PDE3B: variants seen among roughly 807,000 people sequenced by gnomAD.
PDE3B encodes the protein phosphodiesterase 3B.
In PDE3B, 66 loss-of-function variants were observed where a neutral mutation model predicts 116.8. That is an observed-to-expected ratio of 0.56 (90% CI 0.46 to 0.69). The LOEUF (loss-of-function observed/expected upper bound fraction) is 0.69, where lower values mean the gene tolerates loss of function less well. Ranked by LOEUF, PDE3B falls within the 30% of genes least tolerant of loss-of-function variation. PDE3B has a pLI of 0.00. For synonymous variants in PDE3B, 595 were observed against 533.6 expected (o/e 1.12, Z -1.59); for missense variants, 1,384 against 1,368.1 (o/e 1.01, Z -0.18).
At chr11:14,880,894 TGGTTG>T in the PDE3B span, 2 of 875,020 alleles carry the variant, frequency 2.3e-6, no homozygotes, top group African/African-American at 3.4e-5. Context: ...TATAACTACA[TGGTTG>T]GGTCCTGTTC....
intron 1 of PDE3B, among the ~76,000 whole-genome samples, chr11:14,670,190 AT>A (rs1461310592): frequency 6.6e-6 from 1 of 152,094 alleles, no homozygotes; most frequent in Admixed American, 6.6e-5. Flanking sequence ...TCTGTGTTTA[AT>A]TTCTGACTCC....
intron 4 of PDE3B, among the ~76,000 whole-genome samples, chr11:14,796,319 A>G (rs1858552036): frequency 6.6e-6 from 1 of 150,962 alleles, no homozygotes; most frequent in Non-Finnish European, 1.5e-5. Context: ...TATTGTGAAT[A>G]GCAATAAATA....
At chr11:14,813,135 A>G (rs990165347) in intron 5 of PDE3B, among the ~76,000 whole-genome samples, 1 of 152,192 alleles carries the variant, frequency 6.6e-6, no homozygotes. Context: ...TACCTAGTCT[A>G]TGGTATTTTG....
At chr11:14,846,668 A>T (rs1281046017) in intron 12 of PDE3B, among the ~76,000 whole-genome samples, 2 of 152,198 alleles carry the variant, frequency 1.3e-5, no homozygotes, top group African/African-American at 4.8e-5. Context: ...ATGAAAAACA[A>T]AAAAAGGCAG....
chr11:14,812,460 C>T (rs910670950), intron 5 of PDE3B, among the ~76,000 whole-genome samples: 11 of 151,842 alleles, frequency 7.2e-5, no homozygotes, highest in African/African-American at 2.2e-4. Flanking sequence ...ATTAAAATGT[C>T]GGAAGAAGCT....
chr11:14,659,344 A>G (rs1219869057), intron 1 of PDE3B, among the ~76,000 whole-genome samples: 4 of 152,190 alleles, frequency 2.6e-5, no homozygotes, highest in African/African-American at 4.8e-5. Flanking sequence ...GTTCTCAGTT[A>G]ACAAGTGTTG....
At chr11:14,745,567 A>G (rs769544465) in intron 1 of PDE3B, among the ~76,000 whole-genome samples, 4 of 152,180 alleles carry the variant, frequency 2.6e-5, no homozygotes, top group Non-Finnish European at 4.4e-5. Context: ...GCTCACCATC[A>G]TTTGTCAACT....
At chr11:14,710,418 G>T (rs1855669853) in intron 1 of PDE3B, among the ~76,000 whole-genome samples, 1 of 152,110 alleles carries the variant, frequency 6.6e-6, no homozygotes, top group Non-Finnish European at 1.5e-5. Flanking sequence ...CACGAGAGAG[G>T]TGGGCACATT....
intron 1 of PDE3B, among the ~76,000 whole-genome samples, chr11:14,747,328 A>G (rs1856936555): frequency 6.6e-6 from 1 of 152,176 alleles, no homozygotes; most frequent in South Asian, 2.1e-4. Context: ...TTCAGAGTGA[A>G]TGATACTTAC....
At chr11:14,880,648 T>C in the PDE3B span, 1 of 1,598,404 alleles carries the variant, frequency 6.3e-7, no homozygotes, top group East Asian at 2.2e-5. Context: ...ATTGAAAAAT[T>C]TGGTTTCTTC....
At chr11:14,734,984 T>C (rs1366363135) in intron 1 of PDE3B, among the ~76,000 whole-genome samples, 1 of 152,224 alleles carries the variant, frequency 6.6e-6, no homozygotes, top group Non-Finnish European at 1.5e-5. Flanking sequence ...GGTTTATACA[T>C]TCATTGCATG....
intron 1 of PDE3B, among the ~76,000 whole-genome samples, chr11:14,748,092 T>G (rs924313971): frequency 6.6e-6 from 1 of 152,244 alleles, no homozygotes; most frequent in Non-Finnish European, 1.5e-5. Context: ...AATTCTTTAA[T>G]GTAACCTAGT....
At chr11:14,844,535 T>C (rs925812176) in intron 12 of PDE3B, among the ~76,000 whole-genome samples, 2 of 152,208 alleles carry the variant, frequency 1.3e-5, no homozygotes, top group African/African-American at 4.8e-5. Context: ...GGGCGAGGCA[T>C]TGCCTCACTC....
chr11:14,813,473 C>T (rs1859217540), intron 5 of PDE3B, among the ~76,000 whole-genome samples: 1 of 152,068 alleles, frequency 6.6e-6, no homozygotes, highest in Admixed American at 6.6e-5. Context: ...TTTATGTCTG[C>T]CTCTCTCTTT....
chr11:14,664,608 A>T (rs1240447766), intron 1 of PDE3B, among the ~76,000 whole-genome samples: 1 of 152,242 alleles, frequency 6.6e-6, no homozygotes, highest in African/African-American at 2.4e-5. Context: ...CCACAGAAAT[A>T]CAAACTACCG....
chr11:14,801,032 T>C (rs374040205), intron 4 of PDE3B, among the ~76,000 whole-genome samples: 1 of 152,160 alleles, frequency 6.6e-6, no homozygotes, highest in East Asian at 1.9e-4. Context: ...CTACACTGAT[T>C]ATTCTAGTTA....
intron 1 of PDE3B, among the ~76,000 whole-genome samples, chr11:14,731,449 G>A (rs1371306843): frequency 2.0e-5 from 3 of 151,734 alleles, no homozygotes; most frequent in South Asian, 2.1e-4. Context: ...TAGTAGAGAC[G>A]GGGTTTCATC....
At chr11:14,889,813 C>A in the PDE3B span, among the ~76,000 whole-genome samples, 2 of 152,200 alleles carry the variant, frequency 1.3e-5, no homozygotes, top group African/African-American at 4.8e-5. Context: ...GGAGGTCGAA[C>A]AAATGTGTTC....
intron 7 of PDE3B, among the ~76,000 whole-genome samples, chr11:14,819,616 G>A (rs1040608842): frequency 1.3e-5 from 2 of 152,114 alleles, no homozygotes; most frequent in Non-Finnish European, 2.9e-5. Context: ...AAGACATATT[G>A]TGTTGATGAA....
Sources: gnomAD v4.1 joint callset for allele counts (sites outside exome capture counted in the v4.1 genomes callset) on GRCh38, gnomAD v4.1.1 for gene constraint, MANE v1.5 for transcripts, NCBI Gene and HGNC (gene_info 2026-07-23, HGNC 2026-07-21) for gene names.